The following PARD3B variants were observed in gnomAD, a reference collection of about 807,000 sequenced individuals.
The protein encoded by PARD3B is par-3 family cell polarity regulator beta.
In PARD3B, 103 loss-of-function variants were observed where a neutral mutation model predicts 130.2. The observed-to-expected ratio is 0.79, with a 90% CI of 0.67 to 0.93. The LOEUF (loss-of-function observed/expected upper bound fraction) is 0.93, where lower values mean the gene tolerates loss of function less well. PARD3B is among the 40% of genes least tolerant of loss of function. The pLI is 0.00. For missense variants in PARD3B, 1,609 were observed against 1,499.2 expected (o/e 1.07, Z -1.21); for synonymous variants, 583 against 553.2 (o/e 1.05, Z -0.76).
intron 1 of PARD3B, among the ~76,000 whole-genome samples, chr2:204,680,514 T>G (rs1279604971): frequency 1.3e-5 from 2 of 152,022 alleles, no homozygotes; most frequent in Non-Finnish European, 2.9e-5. Context: ...CCAACTTTGA[T>G]TTTTATTTGT....
chr2:204,847,095 T>C (rs1181143930), intron 2 of PARD3B, among the ~76,000 whole-genome samples: 1 of 152,006 alleles, frequency 6.6e-6, no homozygotes, highest in Non-Finnish European at 1.5e-5. Context: ...TTCTATATCC[T>C]GAAACTATAT....
At chr2:204,708,443 T>A (rs1559076777) in intron 2 of PARD3B, among the ~76,000 whole-genome samples, 1 of 152,216 alleles carries the variant, frequency 6.6e-6, no homozygotes, top group Non-Finnish European at 1.5e-5. Flanking sequence ...ACATAAACAT[T>A]TTGGTTATTA....
chr2:205,557,679 A>ATAAT (rs1320000173), intron 22 of PARD3B, among the ~76,000 whole-genome samples: 1 of 152,210 alleles, frequency 6.6e-6, no homozygotes, highest in Non-Finnish European at 1.5e-5. Flanking sequence ...ATTAAATACA[A>ATAAT]TAATACAAGC....
At chr2:205,544,408 T>C (rs2052296499) in intron 21 of PARD3B, among the ~76,000 whole-genome samples, 1 of 152,194 alleles carries the variant, frequency 6.6e-6, no homozygotes, top group Non-Finnish European at 1.5e-5. Context: ...AGCCAGAGTT[T>C]GCTCTTCAAG....
At chr2:205,255,000 C>T (rs951341648) in intron 16 of PARD3B, among the ~76,000 whole-genome samples, 1 of 152,072 alleles carries the variant, frequency 6.6e-6, no homozygotes, top group Admixed American at 6.5e-5. Flanking sequence ...ACGAATGCTT[C>T]CATCACCTTG....
At chr2:204,591,699 T>G (rs1342153988) in intron 1 of PARD3B, among the ~76,000 whole-genome samples, 1 of 152,214 alleles carries the variant, frequency 6.6e-6, no homozygotes, top group African/African-American at 2.4e-5. Flanking sequence ...GACAGACAAG[T>G]TATAAAAATA....
chr2:204,977,514 A>G (rs532903151), intron 3 of PARD3B, among the ~76,000 whole-genome samples: 99 of 152,342 alleles, frequency 6.5e-4, no homozygotes, highest in Non-Finnish European at 1.1e-3. Context: ...TGAAAAGAAT[A>G]GGGAGCCTTG....
rs139577000 is a variant in PARD3B, at chr2:205,550,894, A to G, written c.3181-2430A>G. Among the ~76,000 whole-genome samples the G allele has an allele frequency of 5.6e-3, 823 of 147,578 alleles. 4 individuals are homozygous for G. The highest frequency in any genetic ancestry group is 0.019 in the African/African-American group (778 of 40,516). ...TATATGTATATTTGTATGTATATATACATAATCATGTTATAAATACATATA... is the reference window on the plus strand; with the variant it reads ...TATATGTATATTTGTATGTATATATGCATAATCATGTTATAAATACATATA... On this transcript the variant is annotated intron_variant, in intron 21 of 22. Coordinates refer to ENST00000406610, the MANE Select transcript of PARD3B (RefSeq NM_001302769.2). The surrounding 1 kb of genome is among the most constrained non-coding windows in gnomAD (Gnocchi z 4.5).
intron 18 of PARD3B, among the ~76,000 whole-genome samples, chr2:205,311,363 A>G (rs1270124455): frequency 2.0e-5 from 3 of 152,148 alleles, no homozygotes; most frequent in Non-Finnish European, 4.4e-5. Context: ...CCATTTTAAC[A>G]AGTTTGCAGT....
intron 18 of PARD3B, among the ~76,000 whole-genome samples, chr2:205,389,464 G>A (rs2045774721): frequency 6.6e-6 from 1 of 152,146 alleles, no homozygotes; most frequent in South Asian, 2.1e-4. Context: ...CCAGGTTCAA[G>A]GGATTCTTTT....
intron 20 of PARD3B, among the ~76,000 whole-genome samples, chr2:205,491,648 T>C (rs960052663): frequency 2.0e-5 from 3 of 152,170 alleles, no homozygotes; most frequent in Non-Finnish European, 4.4e-5. Flanking sequence ...GCTTGATTCA[T>C]TGGGTCAAGG....
chr2:205,361,923 T>G (rs1201282591), intron 18 of PARD3B, among the ~76,000 whole-genome samples: 1 of 152,178 alleles, frequency 6.6e-6, no homozygotes, highest in Non-Finnish European at 1.5e-5. Flanking sequence ...TTCTTATATC[T>G]TAAATTAGTC....
rs1273973153 is a variant in PARD3B at position 204,996,302 on chromosome 2, C to A, written c.394+30979C>A. Reference sequence around the variant, plus strand: ...GGTTGTTAGTTTTCCTTCTAACAGACAGGACCCTCAGCTGCAGGTCTGTTG... The same window carrying A: ...GGTTGTTAGTTTTCCTTCTAACAGAAAGGACCCTCAGCTGCAGGTCTGTTG... On this transcript the variant is annotated intron_variant, in intron 3 of 22. Coordinates refer to ENST00000406610, the MANE Select transcript of PARD3B (RefSeq NM_001302769.2). Among the ~76,000 whole-genome samples, 3 of 151,386 alleles carry A rather than the reference C, an allele frequency of 2.0e-5. No individual in the cohort carries two copies. In the South Asian group the frequency reaches 6.3e-4, roughly 32 times the overall value.
chr2:205,415,767 ATG>A (rs1448038970), intron 19 of PARD3B, among the ~76,000 whole-genome samples: 7 of 152,168 alleles, frequency 4.6e-5, no homozygotes, highest in Non-Finnish European at 1.5e-5. Flanking sequence ...AACTAATATG[ATG>A]TGTGAACCAA....
At chr2:204,880,496 C>T (rs2125667848) in intron 2 of PARD3B, among the ~76,000 whole-genome samples, 1 of 151,806 alleles carries the variant, frequency 6.6e-6, no homozygotes, top group South Asian at 2.1e-4. Flanking sequence ...CCCATCTCTA[C>T]TAAAATACAA....
chr2:204,761,077 A>G (rs1241623002), intron 2 of PARD3B, among the ~76,000 whole-genome samples: 6 of 152,150 alleles, frequency 3.9e-5, no homozygotes, highest in African/African-American at 1.4e-4. Context: ...CAAGAGTAAA[A>G]CTCCAACAGA....
chr2:205,362,847 C>A (rs1164209206), intron 18 of PARD3B, among the ~76,000 whole-genome samples: 1 of 152,190 alleles, frequency 6.6e-6, no homozygotes, highest in Non-Finnish European at 1.5e-5. Flanking sequence ...TTCTGCTCTT[C>A]CACTGTACCT....
At chr2:205,349,631 T>C (rs1376341958) in intron 18 of PARD3B, among the ~76,000 whole-genome samples, 1 of 152,070 alleles carries the variant, frequency 6.6e-6, no homozygotes, top group Non-Finnish European at 1.5e-5. Flanking sequence ...CATAAGCATT[T>C]TCCAGAGATA....
At chr2:204,883,707 G>T (rs963185680) in intron 2 of PARD3B, among the ~76,000 whole-genome samples, 2 of 151,526 alleles carry the variant, frequency 1.3e-5, no homozygotes, top group African/African-American at 4.9e-5. Flanking sequence ...GCCTCCCAAA[G>T]TGCTGGGATT....
Sources: gnomAD v4.1 joint callset for allele counts (sites outside exome capture counted in the v4.1 genomes callset) on GRCh38, gnomAD v4.1.1 for gene constraint, Gnocchi (gnomAD v3.1) non-coding constraint, MANE v1.5 for transcripts, NCBI Gene and HGNC (gene_info 2026-07-23, HGNC 2026-07-21) for gene names.